Variants in SORCS3 observed in about 807,000 individuals in gnomAD.
The protein encoded by SORCS3 is VPS10 domain-containing receptor SorCS3.
In SORCS3, 57 loss-of-function variants were observed where a neutral mutation model predicts 146.3. That is an observed-to-expected ratio of 0.39 (90% CI 0.31 to 0.49). The LOEUF (loss-of-function observed/expected upper bound fraction) is 0.49, where lower values mean the gene tolerates loss of function less well. Ranked by LOEUF, SORCS3 falls within the 20% of genes least tolerant of loss-of-function variation. The probability of loss-of-function intolerance (pLI) is 0.92; values close to 1 mark genes in which losing one functional copy is unlikely to be tolerated. For synonymous variants in SORCS3, 653 were observed against 618.5 expected (o/e 1.06, Z -0.83); for missense variants, 1,341 against 1,575.5 (o/e 0.85, Z 2.52).
At chr10:104,887,743 T>C (rs1465559466) in intron 2 of SORCS3, among the ~76,000 whole-genome samples, 1 of 152,192 alleles carries the variant, frequency 6.6e-6, no homozygotes, top group African/African-American at 2.4e-5. Context: ...CTTCTGATAG[T>C]TGTGCTCACT....
chr10:104,830,942 G>T (rs1376067455), intron 1 of SORCS3, among the ~76,000 whole-genome samples: 1 of 151,990 alleles, frequency 6.6e-6, no homozygotes. Flanking sequence ...CTCCCGAGTA[G>T]TTGGGACCAC....
chr10:105,257,139 G>C (rs2056936506), intron 25 of SORCS3, among the ~76,000 whole-genome samples: 1 of 152,190 alleles, frequency 6.6e-6, no homozygotes, highest in Non-Finnish European at 1.5e-5. Context: ...TAGGTGTAAT[G>C]AGTTAGGTAA....
intron 2 of SORCS3, among the ~76,000 whole-genome samples, chr10:104,862,097 G>A (rs1266438949): frequency 6.6e-6 from 1 of 152,120 alleles, no homozygotes; most frequent in African/African-American, 2.4e-5. Flanking sequence ...GAGGTCCCAG[G>A]GTGAGTTCTT....
chr10:104,965,335 T>C (rs1467467315), intron 3 of SORCS3, among the ~76,000 whole-genome samples: 1 of 152,190 alleles, frequency 6.6e-6, no homozygotes, highest in African/African-American at 2.4e-5. Flanking sequence ...ACCAATACCC[T>C]CCACAATGCT....
intron 1 of SORCS3, among the ~76,000 whole-genome samples, chr10:104,709,830 G>T (rs1475719791): frequency 6.6e-6 from 1 of 151,610 alleles, no homozygotes; most frequent in African/African-American, 2.4e-5. Flanking sequence ...CCTGCATTTT[G>T]GTTCCTTAAA....
chr10:104,751,946 T>C (rs1450925286), intron 1 of SORCS3, among the ~76,000 whole-genome samples: 3 of 114,966 alleles, frequency 2.6e-5, no homozygotes, highest in Non-Finnish European at 3.5e-5. Context: ...TATATATATA[T>C]ATATATATAT....
intron 1 of SORCS3, among the ~76,000 whole-genome samples, chr10:104,658,130 A>G (rs2015655082): frequency 1.3e-5 from 2 of 152,168 alleles, no homozygotes; most frequent in Non-Finnish European, 2.9e-5. Flanking sequence ...ACTAATTTTT[A>G]AAGAAATGGG....
chr10:105,148,361 G>A (rs1482700484), intron 9 of SORCS3, among the ~76,000 whole-genome samples: 3 of 152,128 alleles, frequency 2.0e-5, no homozygotes, highest in Non-Finnish European at 2.9e-5. Context: ...GTTAAAAAGT[G>A]TGATAACTAA....
chr10:104,676,803 C>T (rs2015917611), intron 1 of SORCS3, among the ~76,000 whole-genome samples: 1 of 151,896 alleles, frequency 6.6e-6, no homozygotes, highest in African/African-American at 2.4e-5. Flanking sequence ...CTTTCTCAGT[C>T]ATGTGATTTC....
intron 7 of SORCS3, among the ~76,000 whole-genome samples, chr10:105,125,546 T>C (rs1441031336): frequency 6.6e-6 from 1 of 152,094 alleles, no homozygotes; most frequent in Non-Finnish European, 1.5e-5. Context: ...ACAAGAAATA[T>C]TCAGAACAAC....
At chr10:104,931,570 A>G (rs2019209220) in intron 3 of SORCS3, among the ~76,000 whole-genome samples, 1 of 152,216 alleles carries the variant, frequency 6.6e-6, no homozygotes, top group South Asian at 2.1e-4. Flanking sequence ...TAAAGAGAGA[A>G]AAAGTCCAAA....
intron 3 of SORCS3, among the ~76,000 whole-genome samples, chr10:104,940,349 C>T (rs1403409877): frequency 2.8e-5 from 4 of 144,716 alleles, no homozygotes; most frequent in South Asian, 2.2e-4. Context: ...CCCATTAACT[C>T]GTCATTTACA....
intron 1 of SORCS3, among the ~76,000 whole-genome samples, chr10:104,741,011 G>A (rs2016834798): frequency 6.6e-6 from 1 of 151,866 alleles, no homozygotes; most frequent in South Asian, 2.1e-4. Context: ...ACCCAGGCTA[G>A]AATGCAATGG....
chr10:105,179,688 G>T (rs531982341), intron 14 of SORCS3, among the ~76,000 whole-genome samples: 4 of 152,194 alleles, frequency 2.6e-5, no homozygotes, highest in Non-Finnish European at 4.4e-5. Context: ...ACAAGCCCTG[G>T]AAGGGTTGCC....
At position 104,661,505 on chromosome 10, in the gene SORCS3, C is replaced by T. The variant is rs79611316; in HGVS notation, c.627+19551C>T. Among the ~76,000 whole-genome samples, 10 of 152,300 alleles carry T rather than the reference C, an allele frequency of 6.6e-5. No homozygotes were observed. The East Asian group carries it at 1.9e-3, about 29-fold the overall frequency. On this transcript the variant is annotated intron_variant, in intron 1 of 26. Coordinates refer to ENST00000369701, the MANE Select transcript of SORCS3 (RefSeq NM_014978.3). ...TCAGTGACATACCTCAACAGGCAAGCTGCCCTTGTCCAGTGCAGTCTTGAC... is the reference window on the plus strand; with the variant it reads ...TCAGTGACATACCTCAACAGGCAAGTTGCCCTTGTCCAGTGCAGTCTTGAC...
chr10:104,720,856 A>G (rs976595831), intron 1 of SORCS3, among the ~76,000 whole-genome samples: 1 of 152,060 alleles, frequency 6.6e-6, no homozygotes, highest in East Asian at 1.9e-4. Context: ...GTTTGAGTTC[A>G]TTGTAGATTC....
intron 2 of SORCS3, among the ~76,000 whole-genome samples, chr10:104,900,412 T>C (rs1279680496): frequency 6.6e-6 from 1 of 152,194 alleles, no homozygotes; most frequent in East Asian, 1.9e-4. Flanking sequence ...CAAGTCTTTC[T>C]ACCTCTGGAG....
chr10:105,150,622 G>T (rs1247762697), intron 9 of SORCS3, among the ~76,000 whole-genome samples: 2 of 152,164 alleles, frequency 1.3e-5, no homozygotes, highest in African/African-American at 4.8e-5. Flanking sequence ...TAATTGTGTG[G>T]AATAAATGCT....
chr10:104,906,712 G>A (rs1449659241), intron 2 of SORCS3, among the ~76,000 whole-genome samples: 1 of 152,128 alleles, frequency 6.6e-6, no homozygotes. Flanking sequence ...CTTTTTGAAC[G>A]CAGAAGCTTA....
Sources: gnomAD v4.1 joint callset for allele counts (sites outside exome capture counted in the v4.1 genomes callset) on GRCh38, gnomAD v4.1.1 for gene constraint, MANE v1.5 for transcripts, NCBI Gene and HGNC (gene_info 2026-07-23, HGNC 2026-07-21) for gene names.